Variants in ZNF469 observed in about 807,000 individuals in gnomAD.
The protein encoded by ZNF469 is zinc finger protein 469.
In ZNF469, 1 loss-of-function variant was observed where a neutral mutation model predicts 1.0. That is an observed-to-expected ratio of 1.00 (90% CI 0.35 to 4.73). ZNF469 has a LOEUF of 4.73. Among genes scored for constraint, ZNF469 ranks in the 30% most tolerant of loss-of-function variants. The probability of loss-of-function intolerance (pLI) is 0.16; values close to 1 mark genes in which losing one functional copy is unlikely to be tolerated. For missense variants in ZNF469, 6,100 were observed against 5,356.3 expected, an observed-to-expected ratio of 1.14 and a Z score of -4.33; for synonymous variants, 2,703 against 2,363.4, an observed-to-expected ratio of 1.14 and a Z score of -4.17.
chr16:88,434,433 G>A lies in ZNF469; in HGVS notation c.6963G>A (p.Arg2321=), dbSNP rs1906421990. The A allele has an allele frequency of 6.5e-7, 1 of 1,549,732 alleles. No individual in the cohort carries two copies. The highest frequency in any genetic ancestry group is 8.7e-7 in the Non-Finnish European group (1 of 1,146,938). Residue 2321 remains arginine (R), a synonymous_variant, in exon 3 of 3, where the codon AGG becomes AGA. Coordinates refer to ENST00000565624, the MANE Select transcript of ZNF469 (RefSeq NM_001367624.2). ...RGAPPHTNPD[R]MPRGHSSYSP... ...CCCCGCCCCACACCAACCCTGACAG[G>A]ATGCCCAGGGGCCACTCCTCGTATT...
At chr16:88,144,093 A>G in the ZNF469 span, among the ~76,000 whole-genome samples, 1 of 152,278 alleles carries the variant, frequency 6.6e-6, no homozygotes, top group East Asian at 1.9e-4. Context: ...CTCACACCCC[A>G]GAGGAGGGGA....
chr16:88,305,979 CACACATGT>C, the ZNF469 span, among the ~76,000 whole-genome samples: 1 of 152,248 alleles, frequency 6.6e-6, no homozygotes, highest in Non-Finnish European at 1.5e-5. Flanking sequence ...TACACACATG[CACACATGT>C]ACACATCCCC....
At chr16:88,177,864 C>T in the ZNF469 span, 1 of 152,212 alleles carries the variant, frequency 6.6e-6, no homozygotes, top group Admixed American at 6.5e-5. The surrounding 1 kb of genome is among the most constrained non-coding windows in gnomAD (Gnocchi z 4.8). Flanking sequence ...TGCACCACCA[C>T]ACCCGGCTAA....
chr16:88,168,926 C>G, the ZNF469 span, among the ~76,000 whole-genome samples: 1 of 152,082 alleles, frequency 6.6e-6, no homozygotes, highest in Non-Finnish European at 1.5e-5. The surrounding 1 kb of genome is among the most constrained non-coding windows in gnomAD (Gnocchi z 4.3). Flanking sequence ...TGAGACCCCC[C>G]CCTCTACAAA....
At chr16:88,353,872 C>T in the ZNF469 span, among the ~76,000 whole-genome samples, 2 of 152,146 alleles carry the variant, frequency 1.3e-5, no homozygotes, top group African/African-American at 2.4e-5. Context: ...CTGGAGCTTC[C>T]GGAGGGAGCA....
At chr16:88,180,928 A>G in the ZNF469 span, among the ~76,000 whole-genome samples, 14,790 of 152,280 alleles carry the variant, frequency 0.097, 766 homozygotes, top group Middle Eastern at 0.14. Context: ...GGAAACTTCA[A>G]TACTCCTCCA....
the ZNF469 span, among the ~76,000 whole-genome samples, chr16:88,184,076 G>C: frequency 6.6e-6 from 1 of 151,946 alleles, no homozygotes; most frequent in South Asian, 2.1e-4. Flanking sequence ...CTTGAAGTGG[G>C]CATAGATTTG....
the ZNF469 span, among the ~76,000 whole-genome samples, chr16:88,277,350 G>T: frequency 1.3e-5 from 2 of 148,326 alleles, no homozygotes. Flanking sequence ...CTGACGCTCA[G>T]TCAGTACCGT....
At chr16:88,145,525 T>G in the ZNF469 span, among the ~76,000 whole-genome samples, 1 of 152,392 alleles carries the variant, frequency 6.6e-6, no homozygotes, top group African/African-American at 2.4e-5. Flanking sequence ...TTTGCCGCTG[T>G]TGGTGCAGAG....
At chr16:88,274,085 G>C in the ZNF469 span, among the ~76,000 whole-genome samples, 9 of 152,324 alleles carry the variant, frequency 5.9e-5, no homozygotes, top group African/African-American at 2.2e-4. Context: ...TTACAGGCGT[G>C]AGCCACCGCG....
At chr16:88,272,588 A>G in the ZNF469 span, among the ~76,000 whole-genome samples, 1,900 of 125,936 alleles carry the variant, frequency 0.015, no homozygotes, top group East Asian at 0.023. Flanking sequence ...ATGAATGAAC[A>G]GGTTGGTGTA....
At chr16:88,124,609 A>G in the ZNF469 span, among the ~76,000 whole-genome samples, 1 of 151,284 alleles carries the variant, frequency 6.6e-6, no homozygotes, top group Non-Finnish European at 1.5e-5. Flanking sequence ...TTTGAGATGG[A>G]GTTTTGCTCT....
Position 88,427,579 on chromosome 16 carries a change from G to A in ZNF469, c.109G>A (p.Asp37Asn). The change falls in exon 3 of 3, where the codon GAC becomes AAC. Residue 37 changes from aspartate (D) to asparagine (N), a missense_variant. Transcript: ENST00000565624. The part of the protein sequence containing the change: ...PGHPSQPPLE[D>N]NTPATRTTKG... ...GCACCCCTCCCAGCCGCCACTGGAG[G>A]ACAACACCCCAGCTACCAGGACCAC... 1 of 1,537,024 alleles carries A rather than the reference G, an allele frequency of 6.5e-7. No individual in the cohort carries two copies. Among genetic ancestry groups the A allele is most frequent in the Non-Finnish European group, 8.7e-7 (1 of 1,146,400 alleles).
At chr16:88,259,722 G>C in the ZNF469 span, among the ~76,000 whole-genome samples, 13 of 142,374 alleles carry the variant, frequency 9.1e-5, no homozygotes, top group African/African-American at 3.2e-4. This position sits in a 1 kb window ranked among gnomAD's most constrained non-coding sequence, Gnocchi z 4.1. Context: ...AATGTCCCAG[G>C]GTCTCCACAC....
chr16:88,385,642 C>CAAA (rs66861611), intron 1 of ZNF469, among the ~76,000 whole-genome samples: 3 of 133,198 alleles, frequency 2.3e-5, no homozygotes, highest in Admixed American at 7.8e-5. Context: ...GACTCTGTCT[C>CAAA]AAAAAAAAAA....
intron 1 of ZNF469, among the ~76,000 whole-genome samples, chr16:88,384,094 A>T (rs2092532131): frequency 6.6e-6 from 1 of 152,166 alleles, no homozygotes; most frequent in African/African-American, 2.4e-5. Context: ...TAACTGCTTC[A>T]TCCCCAGCCG....
chr16:88,377,261 G>A, the ZNF469 span, among the ~76,000 whole-genome samples: 1 of 152,238 alleles, frequency 6.6e-6, no homozygotes, highest in Non-Finnish European at 1.5e-5. Context: ...CCAGGGGAGG[G>A]GCGTTGCTGC....
At chr16:88,380,337 AT>A (rs2092517998), upstream of ZNF469, among the ~76,000 whole-genome samples, 1 of 66,264 alleles carries the variant, frequency 1.5e-5, no homozygotes, top group Non-Finnish European at 2.4e-5. Context: ...GCACTCACAC[AT>A]GCGCTCACAC....
chr16:88,138,017 C>A, the ZNF469 span, among the ~76,000 whole-genome samples: 30 of 152,226 alleles, frequency 2.0e-4, no homozygotes, highest in African/African-American at 7.2e-4. Context: ...CACCCCATCA[C>A]GGAGCATTCC....
Sources: gnomAD v4.1 joint callset for allele counts (sites outside exome capture counted in the v4.1 genomes callset) on GRCh38, gnomAD v4.1.1 for gene constraint, Gnocchi (gnomAD v3.1) non-coding constraint, MANE v1.5 for transcripts, NCBI Gene and HGNC (gene_info 2026-07-23, HGNC 2026-07-21) for gene names.